SEPTIN14: variants seen among roughly 807,000 people sequenced by gnomAD.
SEPTIN14 encodes the protein septin 14.
SEPTIN14 carries 40 observed loss-of-function variants against 53.6 expected under a neutral mutation model. The ratio of observed to expected loss-of-function variants is 0.75; its 90% CI spans 0.58 to 0.97. The LOEUF is 0.97. Among genes scored for constraint, SEPTIN14 ranks in the 50% least tolerant of loss-of-function variants. The probability of loss-of-function intolerance (pLI) is 0.00; values close to 1 mark genes in which losing one functional copy is unlikely to be tolerated. For synonymous variants in SEPTIN14, 138 were observed against 166.8 expected (o/e 0.83, Z 1.33); for missense variants, 471 against 508.2 (o/e 0.93, Z 0.70).
At chr7:55,851,324 T>G (rs1789511182) in intron 2 of SEPTIN14, among the ~76,000 whole-genome samples, 1 of 152,110 alleles carries the variant, frequency 6.6e-6, no homozygotes, top group African/African-American at 2.4e-5. Flanking sequence ...GTAACCCTCA[T>G]CCCTCAGCCC....
intron 3 of SEPTIN14, among the ~76,000 whole-genome samples, chr7:55,846,291 G>A: frequency 6.6e-6 from 1 of 151,428 alleles, no homozygotes; most frequent in Admixed American, 6.6e-5. Context: ...CCAGGCGGCT[G>A]AGGCTACAGT....
rs539702392 is a variant in SEPTIN14, at chr7:55,793,869, AG to A, written c.*2043del. 173 of 152,284 alleles carry A rather than the reference AG, an allele frequency of 1.1e-3. 1 individual carries two copies. The highest frequency in any genetic ancestry group is 4.0e-3 in the African/African-American group (166 of 41,582). The allele number at this position is 152,284 out of a possible 1,614,324, so 9.4% of individuals were successfully genotyped here. On this transcript the variant is annotated 3_prime_UTR_variant, in exon 10 of 10. Coordinates refer to ENST00000388975, the MANE Select transcript of SEPTIN14 (RefSeq NM_207366.3). ...ACAAAAAAAATCAACTAAAGATAAA[AG>A]AAGTAAATAATTGAGAAAATGACTG... is the stretch of plus-strand genomic sequence containing the variant.
intron 2 of SEPTIN14, among the ~76,000 whole-genome samples, chr7:55,860,203 G>A (rs1789720515): frequency 6.6e-6 from 1 of 151,506 alleles, no homozygotes; most frequent in South Asian, 2.1e-4. Flanking sequence ...AATACAATTT[G>A]GCCACACAAA....
chr7:55,839,361 C>G (rs1303915548), intron 5 of SEPTIN14, among the ~76,000 whole-genome samples: 1 of 149,274 alleles, frequency 6.7e-6, no homozygotes, highest in African/African-American at 2.5e-5. Flanking sequence ...TGCACTCCAG[C>G]CTGGACAACA....
At position 55,829,674 on chromosome 7, in the gene SEPTIN14, T is replaced by C. The variant is rs569661451; in HGVS notation, c.720+4751A>G. Among the ~76,000 whole-genome samples, 6 of 151,760 alleles carry C rather than the reference T, an allele frequency of 4.0e-5. No individual in the cohort carries two copies. The East Asian group carries it at 7.8e-4, about 20-fold the overall frequency. ...CTGCAGACCTTCCACCCAGAGCAGC[T>C]TGGAGGCAGTGAATAACAGCTCTTC... On this transcript the variant is annotated intron_variant, in intron 6 of 9. Coordinates refer to ENST00000388975, the MANE Select transcript of SEPTIN14 (RefSeq NM_207366.3).
intron 2 of SEPTIN14, among the ~76,000 whole-genome samples, chr7:55,851,524 C>T (rs893020929): frequency 2.0e-5 from 3 of 151,744 alleles, no homozygotes; most frequent in African/African-American, 7.3e-5. Flanking sequence ...GTTAATTCAG[C>T]ACTCAAAAAT....
intron 6 of SEPTIN14, among the ~76,000 whole-genome samples, chr7:55,826,945 A>G (rs1460076854): frequency 6.6e-6 from 1 of 152,150 alleles, no homozygotes; most frequent in African/African-American, 2.4e-5. Context: ...TTGCCTGAGC[A>G]TTCTTCCTGC....
chr7:55,834,622 G>A lies in SEPTIN14; in HGVS notation c.559-36C>T, dbSNP rs777839693. The A allele has an allele frequency of 3.9e-6, 6 of 1,523,148 alleles. No homozygotes were observed. In the South Asian group the frequency reaches 6.1e-5, roughly 16 times the overall value. The allele number at this position is 1,523,148 out of a possible 1,614,324, so 94.4% of individuals were successfully genotyped here. On this transcript the variant is annotated intron_variant, in intron 5 of 9. Coordinates refer to ENST00000388975, the MANE Select transcript of SEPTIN14 (RefSeq NM_207366.3). ...AGAAGACAAACAAAATCTCATCATT[G>A]TTCATCTCACAGTTTTTTTGTTTTT...
intron 6 of SEPTIN14, among the ~76,000 whole-genome samples, chr7:55,826,816 G>A (rs1218400484): frequency 3.9e-4 from 54 of 138,284 alleles, no homozygotes; most frequent in African/African-American, 1.2e-3. Flanking sequence ...AAAAAAAAAA[G>A]AATAAAGAAC....
chr7:55,856,400 T>G lies in SEPTIN14; in HGVS notation c.54+5543A>C, dbSNP rs559199573. On this transcript the variant is annotated intron_variant, in intron 2 of 9. Transcript: ENST00000388975. Reference sequence around the variant, plus strand: ...ATGGTGTATATGTACCACTTTTTCGTTTTTTTTTTGATATGGAATCTTGCT... The same window carrying G: ...ATGGTGTATATGTACCACTTTTTCGGTTTTTTTTTGATATGGAATCTTGCT... Among the ~76,000 whole-genome samples, 62 of 142,682 alleles carry G rather than the reference T, an allele frequency of 4.3e-4. 1 individual carries two copies. In the South Asian group the frequency reaches 0.012, roughly 27 times the overall value. The allele number at this position is 142,682 out of a possible 152,430, so 93.6% of individuals were successfully genotyped here.
chr7:55,811,384 C>T (rs1788702914), intron 7 of SEPTIN14: 3 of 495,556 alleles, frequency 6.1e-6, no homozygotes, highest in South Asian at 1.6e-5. Context: ...GTCTTGGCCA[C>T]CCAACTACTG....
intron 6 of SEPTIN14, among the ~76,000 whole-genome samples, chr7:55,830,319 C>CTG: frequency 1.9e-5 from 2 of 107,192 alleles, no homozygotes; most frequent in African/African-American, 4.6e-5. Context: ...TGTTATCCAA[C>CTG]TGTATATATA....
At chr7:55,857,176 C>G (rs1299939386) in intron 2 of SEPTIN14, among the ~76,000 whole-genome samples, 1 of 151,010 alleles carries the variant, frequency 6.6e-6, no homozygotes, top group African/African-American at 2.4e-5. Flanking sequence ...AGTTTGAGAC[C>G]AGCCTGACCA....
At chr7:55,827,965 T>C (rs1789019915) in intron 6 of SEPTIN14, among the ~76,000 whole-genome samples, 1 of 149,762 alleles carries the variant, frequency 6.7e-6, no homozygotes. Flanking sequence ...AATTCAAAAA[T>C]AAGAAGTGAC....
intron 2 of SEPTIN14, among the ~76,000 whole-genome samples, chr7:55,849,687 G>A (rs543110919): frequency 3.0e-4 from 45 of 150,316 alleles, no homozygotes; most frequent in African/African-American, 1.0e-3. Context: ...CAGAGGTTGC[G>A]GTGAGCCGAG....
intron 9 of SEPTIN14, among the ~76,000 whole-genome samples, chr7:55,804,022 G>C (rs1788568807): frequency 6.7e-6 from 1 of 148,756 alleles, no homozygotes; most frequent in Non-Finnish European, 1.5e-5. Context: ...TGTAGACCCA[G>C]CTACTCGGGA....
At chr7:55,859,389 C>T (rs888352908) in intron 2 of SEPTIN14, among the ~76,000 whole-genome samples, 1 of 151,976 alleles carries the variant, frequency 6.6e-6, no homozygotes, top group Non-Finnish European at 1.5e-5. Context: ...TCTTGGTGCC[C>T]TTTTCAAAAA....
intron 9 of SEPTIN14, chr7:55,798,834 G>A (rs1788477408): frequency 1.2e-5 from 2 of 168,386 alleles, no homozygotes; most frequent in Non-Finnish European, 2.6e-5. Flanking sequence ...CAGGCCCGGA[G>A]ACTCACACCT....
chr7:55,851,999 A>G lies in SEPTIN14; in HGVS notation c.55-5362T>C, dbSNP rs181597220. ...CTACTAAAAATACAAAAAATTAGCC[A>G]GGTGTGGTGGTGGGTGCCTGTAGTC... On this transcript the variant is annotated intron_variant, in intron 2 of 9. Coordinates refer to ENST00000388975, the MANE Select transcript of SEPTIN14 (RefSeq NM_207366.3). 2.8e-3 allele frequency among the ~76,000 whole-genome samples: 424 copies of G among 151,980 alleles called. 5 individuals carry two copies. Among genetic ancestry groups the G allele is most frequent in the Middle Eastern group, 0.01 (3 of 294 alleles).
Sources: allele counts gnomAD v4.1 joint callset (sites outside exome capture counted in the v4.1 genomes callset), GRCh38; gene constraint gnomAD v4.1.1; transcripts MANE v1.5; gene names NCBI Gene and HGNC (gene_info 2026-07-23, HGNC 2026-07-21).